Variants in DMD observed in about 807,000 individuals in gnomAD.
DMD encodes the protein dystrophin, also known as mutant dystrophin.
Under a neutral mutation model 330.1 loss-of-function variants are expected in DMD, and 63 were observed. That is an observed-to-expected ratio of 0.19 (90% CI 0.16 to 0.24). DMD has a LOEUF of 0.24. Ranked by LOEUF, DMD falls within the 10% of genes least tolerant of loss-of-function variation. The pLI, the probability that DMD is intolerant of heterozygous loss-of-function variation, is 1.00. For missense variants in DMD, 3,344 were observed against 2,684.1 expected (o/e 1.25, Z -5.43); for synonymous variants, 1,223 against 959.8 (o/e 1.27, Z -5.07).
At chrX:32,238,167 A>C (rs1181908308) in intron 43 of DMD, among the ~76,000 whole-genome samples, 1 of 112,154 alleles carries the variant, frequency 8.9e-6, no homozygotes, top group African/African-American at 3.2e-5. Context: ...TCATTCCAAA[A>C]TTTAGCAGCT....
chrX:31,443,457 T>C (rs376623927), intron 60 of DMD, among the ~76,000 whole-genome samples: 1 of 111,978 alleles, frequency 8.9e-6, no homozygotes, highest in East Asian at 2.8e-4. Context: ...TGTTTATCAT[T>C]TGGCATGTTC....
intron 11 of DMD, among the ~76,000 whole-genome samples, chrX:32,635,954 C>T (rs2059066373): frequency 9.0e-6 from 1 of 111,690 alleles, no homozygotes; most frequent in South Asian, 3.7e-4. Context: ...CCCTACTGGC[C>T]TAGTTTACCT....
chrX:31,629,974 C>T (rs974570019), intron 54 of DMD, among the ~76,000 whole-genome samples: 1 of 111,935 alleles, frequency 8.9e-6, no homozygotes, highest in African/African-American at 3.2e-5. Context: ...TGAAATTCTC[C>T]CATGGCAGAG....
chrX:32,013,375 G>T (rs762734306), intron 44 of DMD, among the ~76,000 whole-genome samples: 2 of 111,030 alleles, frequency 1.8e-5, no homozygotes, highest in East Asian at 2.8e-4. Flanking sequence ...GTGAGCCACC[G>T]TGCCCAGCCA....
chrX:32,508,326 T>C (rs1173278376), intron 18 of DMD, among the ~76,000 whole-genome samples: 2 of 111,965 alleles, frequency 1.8e-5, no homozygotes, highest in Non-Finnish European at 3.8e-5. Flanking sequence ...TGAAGAGGAA[T>C]ATGCATACAA....
chrX:32,934,769 G>T (rs2089862602), intron 2 of DMD, among the ~76,000 whole-genome samples: 1 of 111,950 alleles, frequency 8.9e-6, no homozygotes, highest in Non-Finnish European at 1.9e-5. Context: ...TCACTCTTTT[G>T]TACCCCTCCC....
At chrX:32,825,041 G>T (rs2078586327) in intron 4 of DMD, among the ~76,000 whole-genome samples, 1 of 111,679 alleles carries the variant, frequency 9.0e-6, no homozygotes, top group African/African-American at 3.3e-5. Context: ...TTGGCTATCT[G>T]CCAGGCAATG....
intron 1 of DMD, among the ~76,000 whole-genome samples, chrX:33,156,937 A>G (rs2048532989): frequency 8.9e-6 from 1 of 111,771 alleles, no homozygotes; most frequent in African/African-American, 3.2e-5. Context: ...GTCCTTTGAA[A>G]TTATTACTCT....
At chrX:31,443,939 T>C (rs1167682123) in intron 60 of DMD, among the ~76,000 whole-genome samples, 2 of 111,471 alleles carry the variant, frequency 1.8e-5, no homozygotes, top group Non-Finnish European at 3.8e-5. Flanking sequence ...ATCCCCCGTG[T>C]TGGTGGTGAG....
chrX:31,977,443 TAA>T (rs1301493825), intron 44 of DMD, among the ~76,000 whole-genome samples: 1 of 111,110 alleles, frequency 9.0e-6, no homozygotes, highest in Non-Finnish European at 1.9e-5. Context: ...AGAAATACGA[TAA>T]AGAGGGATCA....
intron 74 of DMD, among the ~76,000 whole-genome samples, chrX:31,162,356 T>TAAAAAAAACAAAAAAA (rs2038922496): frequency 2.0e-5 from 1 of 50,608 alleles, no homozygotes; most frequent in Non-Finnish European, 3.7e-5. Flanking sequence ...ATGAAAAATC[T>TAAAAAAAACAAAAAAA]AAAAAAAAAA....
chrX:31,829,914 C>G (rs922813062), intron 49 of DMD, among the ~76,000 whole-genome samples: 3 of 112,260 alleles, frequency 2.7e-5, no homozygotes, highest in African/African-American at 9.7e-5. Flanking sequence ...AAATTCAAAT[C>G]TCTAAAATGC....
intron 62 of DMD, among the ~76,000 whole-genome samples, chrX:31,266,211 CT>C (rs199585317): frequency 1.1e-5 from 1 of 89,631 alleles, no homozygotes; most frequent in Non-Finnish European, 2.2e-5. Context: ...TCCCCACCCC[CT>C]GAAATCTTTG....
At chrX:31,806,688 C>T (rs1466919454) in intron 50 of DMD, among the ~76,000 whole-genome samples, 1 of 112,472 alleles carries the variant, frequency 8.9e-6, no homozygotes, top group Non-Finnish European at 1.9e-5. Context: ...ACTCATTCAT[C>T]TCAATCCACT....
chrX:31,486,016 G>C (rs2068774330), intron 57 of DMD, among the ~76,000 whole-genome samples: 1 of 112,030 alleles, frequency 8.9e-6, no homozygotes, highest in Non-Finnish European at 1.9e-5. Context: ...ATCCAGAAAA[G>C]GTGATAAACT....
At chrX:32,894,930 T>A (rs2085566990) in intron 2 of DMD, among the ~76,000 whole-genome samples, 1 of 112,027 alleles carries the variant, frequency 8.9e-6, no homozygotes, top group African/African-American at 3.2e-5. Context: ...CTGGGCAGCT[T>A]AAACAACAGA....
At chrX:32,599,769 TTTA>T (rs753701781) in intron 12 of DMD, among the ~76,000 whole-genome samples, 5 of 112,142 alleles carry the variant, frequency 4.5e-5, no homozygotes, top group Non-Finnish European at 9.4e-5. Flanking sequence ...TTATTATGCA[TTTA>T]TTTTCATTAT....
intron 29 of DMD, among the ~76,000 whole-genome samples, chrX:32,429,438 C>T (rs142176112): frequency 0.019 from 1,543 of 80,102 alleles, 14 homozygotes; most frequent in Non-Finnish European, 0.025. Context: ...CCAGGTATCA[C>T]CTTGTTGGCA....
At chrX:32,741,338 G>C (rs186149992) in intron 7 of DMD, among the ~76,000 whole-genome samples, 2 of 111,513 alleles carry the variant, frequency 1.8e-5, no homozygotes, top group African/African-American at 6.5e-5. Context: ...TTAGCCTCCA[G>C]ATGTTCACAC....
Sources: allele counts gnomAD v4.1 joint callset (sites outside exome capture counted in the v4.1 genomes callset), GRCh38; gene constraint gnomAD v4.1.1; transcripts MANE v1.5; gene names NCBI Gene and HGNC (gene_info 2026-07-23, HGNC 2026-07-21).